Variants in SRC observed in about 807,000 individuals in gnomAD.
SRC encodes the protein proto-oncogene tyrosine-protein kinase Src.
Under a neutral mutation model 62.9 loss-of-function variants are expected in SRC, and 13 were observed. The observed-to-expected ratio is 0.21, with a 90% CI of 0.13 to 0.33. SRC has a LOEUF of 0.33. Among genes scored for constraint, SRC ranks in the 10% least tolerant of loss-of-function variants. The pLI, the probability that SRC is intolerant of heterozygous loss-of-function variation, is 1.00. For synonymous variants in SRC, 302 were observed against 317.5 expected (o/e 0.95, Z 0.52); for missense variants, 457 against 737.3 (o/e 0.62, Z 4.40).
intron 1 of SRC, among the ~76,000 whole-genome samples, chr20:37,358,453 C>T (rs1420964552): frequency 1.3e-5 from 2 of 152,222 alleles, no homozygotes; most frequent in Non-Finnish European, 2.9e-5. Context: ...CTCGTGGATT[C>T]ACTCAAGTCT....
At chr20:37,357,339 C>T (rs138345726) in intron 1 of SRC, among the ~76,000 whole-genome samples, 1 of 152,266 alleles carries the variant, frequency 6.6e-6, no homozygotes, top group Non-Finnish European at 1.5e-5. Context: ...CTCGGATGGG[C>T]CCTTCTCTTC....
chr20:37,378,280 A>G (rs1457695264), intron 2 of SRC, among the ~76,000 whole-genome samples: 2 of 149,876 alleles, frequency 1.3e-5, no homozygotes, highest in African/African-American at 4.9e-5. Flanking sequence ...CCCCCACCTC[A>G]GCCTTCCAAG....
chr20:37,346,416 G>A (rs1407603289), intron 1 of SRC, among the ~76,000 whole-genome samples, 161 bp downstream of exon 1: 1 of 151,336 alleles, frequency 6.6e-6, no homozygotes, highest in East Asian at 2.0e-4. Context: ...CCCAAGCGCC[G>A]GGCGGGCGCA....
chr20:37,382,260 G>T (rs1219049172), intron 2 of SRC, among the ~76,000 whole-genome samples: 1 of 152,200 alleles, frequency 6.6e-6, no homozygotes, highest in Non-Finnish European at 1.5e-5. Flanking sequence ...ACAGTGTCTT[G>T]TGCATTTATC....
chr20:37,368,518 C>CTTTTTTTTTTTTTTGTTTTTTTTTTT (rs2070102489), intron 2 of SRC, among the ~76,000 whole-genome samples: 2 of 73,896 alleles, frequency 2.7e-5, no homozygotes, highest in Non-Finnish European at 5.4e-5. Flanking sequence ...CCTATATTTT[C>CTTTTTTTTTTTTTTGTTTTTTTTTTT]TTTTTTTTTT....
In SRC at chr20:37,399,000, G is replaced by A. The variant is rs1226864231; in HGVS notation, c.860-1115G>A. On this transcript the variant is annotated intron_variant, in intron 9 of 13. Transcript: ENST00000373578. This position sits in a 1 kb window ranked among gnomAD's most constrained non-coding sequence, Gnocchi z 5.2. Reference sequence around the variant, plus strand: ...GGAACCTCGAGGCCCACTGGGACAAGAACCTGGATTAAACATGCTGGTCTA... The same window carrying A: ...GGAACCTCGAGGCCCACTGGGACAAAAACCTGGATTAAACATGCTGGTCTA... Among the ~76,000 whole-genome samples the A allele has an allele frequency of 1.3e-5, 2 of 152,340 alleles. No homozygotes were observed. Among genetic ancestry groups the A allele is most frequent in the African/African-American group, 4.8e-5 (2 of 41,576 alleles).
chr20:37,384,103 G>GC lies in SRC; in HGVS notation c.-4-43dup. 6.3e-7 allele frequency: 1 copy of GC among 1,586,048 alleles called. No individual in the cohort carries two copies. The highest frequency in any genetic ancestry group is 1.1e-5 in the South Asian group (1 of 90,396). On this transcript the variant is annotated intron_variant, in intron 3 of 13. Transcript: ENST00000373578. The surrounding 1 kb of genome is among the most constrained non-coding windows in gnomAD (Gnocchi z 6.7). ...GGGTGGGAGGGAGGCCGGCCAAGGG[G>GC]CCCCGGCAGCCCTGCCTGTTCCAGT...
intron 2 of SRC, among the ~76,000 whole-genome samples, chr20:37,367,825 G>A (rs1021196383): frequency 1.1e-4 from 16 of 150,844 alleles, no homozygotes; most frequent in African/African-American, 3.7e-4. Flanking sequence ...TTTTAAAAAA[G>A]TTTTAGTAGG....
At position 37,397,692 on chromosome 20, in the gene SRC, T is replaced by G; in HGVS notation, c.704-7T>G. 6.4e-7 allele frequency: 1 copy of G among 1,553,552 alleles called. No homozygotes were observed. The highest frequency in any genetic ancestry group is 1.8e-5 in the Admixed American group (1 of 54,292). Reference sequence around the variant, plus strand: ...CCGCCTAACTGCTCCTCCTGCCTCCTCCTCAGAACACGCCGATGGCCTGTG... The same window carrying G: ...CCGCCTAACTGCTCCTCCTGCCTCCGCCTCAGAACACGCCGATGGCCTGTG... On this transcript the variant is annotated splice_polypyrimidine_tract_variant and splice_region_variant and intron_variant, in intron 8 of 13. Transcript: ENST00000373578. This position sits in a 1 kb window ranked among gnomAD's most constrained non-coding sequence, Gnocchi z 4.1.
chr20:37,385,993 C>T, intron 4 of SRC, 82 bp from the exon 5 acceptor site: 1 of 1,112,340 alleles, frequency 9.0e-7, no homozygotes, highest in Non-Finnish European at 1.4e-6. Flanking sequence ...CAAATCCACT[C>T]CTCCTGGGTA....
At chr20:37,364,638 C>A (rs1426183659) in intron 1 of SRC, among the ~76,000 whole-genome samples, 2 of 152,200 alleles carry the variant, frequency 1.3e-5, no homozygotes. Flanking sequence ...TCTGAGCCTC[C>A]ATTTCCTGGC....
At chr20:37,370,987 CTTCTT>C (rs761410463) in intron 2 of SRC, among the ~76,000 whole-genome samples, 124 of 91,294 alleles carry the variant, frequency 1.4e-3, no homozygotes, top group African/African-American at 7.9e-3. Flanking sequence ...TCTTCTTCTT[CTTCTT>C]TTTTTTTTTT....
chr20:37,359,901 C>G (rs1402343584), intron 1 of SRC, among the ~76,000 whole-genome samples: 1 of 151,806 alleles, frequency 6.6e-6, no homozygotes, highest in East Asian at 1.9e-4. Context: ...AAGGGCCAAG[C>G]ATTTTTTTTT....
At position 37,404,887 on chromosome 20, in the gene SRC, T is replaced by TGTGTGTGC. The variant is rs2070802539; in HGVS notation, c.*1509_*1516dup. 4.3e-6 allele frequency: 1 copy of TGTGTGTGC among 233,788 alleles called. No homozygotes were observed. The highest frequency in any genetic ancestry group is 6.0e-5 in the East Asian group (1 of 16,584). 14.5% of individuals were successfully genotyped at this position (233,788 alleles called of 1,614,324 possible). On this transcript the variant is annotated 3_prime_UTR_variant, in exon 14 of 14. Coordinates refer to ENST00000373578, the MANE Select transcript of SRC (RefSeq NM_198291.3). The stretch of plus-strand genomic sequence containing the variant: ...TGCCAAGGGTCCCTGTGTGTGTGTA[T>TGTGTGTGC]GTGTGTGCATGTGTGCGTGTCTCCA...
At chr20:37,354,020 G>A (rs1022436508) in intron 1 of SRC, among the ~76,000 whole-genome samples, 1 of 152,202 alleles carries the variant, frequency 6.6e-6, no homozygotes, top group Admixed American at 6.5e-5. Context: ...AGCAATGCCA[G>A]CACACAGTAA....
At chr20:37,401,718 C>T (rs1204316270) in intron 11 of SRC, 40 bp downstream of exon 11, 2 of 1,534,922 alleles carry the variant, frequency 1.3e-6, no homozygotes, top group Admixed American at 3.5e-5. Flanking sequence ...CCTTGGTCCT[C>T]AAGCACCCAG....
At chr20:37,400,871 C>T (rs2147118906) in intron 10 of SRC, among the ~76,000 whole-genome samples, 1 of 152,302 alleles carries the variant, frequency 6.6e-6, no homozygotes, top group Middle Eastern at 3.4e-3. Context: ...AGACAGTACC[C>T]TCCAGCCCCA....
chr20:37,393,064 C>T (rs1229068143), intron 5 of SRC, among the ~76,000 whole-genome samples: 3 of 152,252 alleles, frequency 2.0e-5, no homozygotes, highest in East Asian at 1.9e-4. Context: ...GACCCGACCA[C>T]GCCGGGAGCT....
Position 37,384,544 on chromosome 20 carries a change from G to GGGGA in SRC, c.250+144_250+145insAGGG, listed in dbSNP as rs1334103683. On this transcript the variant is annotated intron_variant, in intron 4 of 13. Coordinates refer to ENST00000373578, the MANE Select transcript of SRC (RefSeq NM_198291.3). This position sits in a 1 kb window ranked among gnomAD's most constrained non-coding sequence, Gnocchi z 6.7. ...GCGCCCCTGGGTGACTTGGGTGTCCGGGGGGTGGGGGGGCGGCCGTACACA... is the reference window on the plus strand; with the variant it reads ...GCGCCCCTGGGTGACTTGGGTGTCCGGGGAGGGGGTGGGGGGGCGGCCGTACACA... 41 of 917,758 alleles carry GGGGA rather than the reference G, an allele frequency of 4.5e-5. No individual in the cohort carries two copies. In the African/African-American group the frequency reaches 7.3e-4, roughly 16 times the overall value. 56.9% of individuals were successfully genotyped at this position (917,758 alleles called of 1,614,324 possible).
Sources: gnomAD v4.1 joint callset for allele counts (sites outside exome capture counted in the v4.1 genomes callset) on GRCh38, gnomAD v4.1.1 for gene constraint, Gnocchi (gnomAD v3.1) non-coding constraint, MANE v1.5 for transcripts, NCBI Gene and HGNC (gene_info 2026-07-23, HGNC 2026-07-21) for gene names.